Variants in JAM2 observed in about 807,000 individuals in gnomAD.
JAM2 encodes junctional adhesion molecule B.
In JAM2, 17 loss-of-function variants were observed where a neutral mutation model predicts 42.0. That is an observed-to-expected ratio of 0.40 (90% confidence interval 0.28 to 0.61). The LOEUF is 0.61. Among genes scored for constraint, JAM2 ranks in the 20% least tolerant of loss-of-function variants. JAM2 has a pLI of 0.37. For missense variants in JAM2, 319 were observed against 358.3 expected, an observed-to-expected ratio of 0.89 and a Z score of 0.89; for synonymous variants, 118 against 128.6, an observed-to-expected ratio of 0.92 and a Z score of 0.56.
chr21:25,675,679 G>A (rs889107753), intron 1 of JAM2, among the ~76,000 whole-genome samples: 1 of 152,050 alleles, frequency 6.6e-6, no homozygotes, highest in Non-Finnish European at 1.5e-5. Flanking sequence ...TAAACAACCA[G>A]ATCTCAGGAG....
At chr21:25,681,034 G>A (rs1269892569) in intron 1 of JAM2, among the ~76,000 whole-genome samples, 2 of 152,112 alleles carry the variant, frequency 1.3e-5, no homozygotes, top group Non-Finnish European at 2.9e-5. Context: ...GTGAAAACAG[G>A]GTCAGTAGAC....
chr21:25,656,764 T>C (rs1459752665), intron 1 of JAM2, among the ~76,000 whole-genome samples: 2 of 152,194 alleles, frequency 1.3e-5, no homozygotes, highest in Non-Finnish European at 2.9e-5. Flanking sequence ...GGAAGCAAGA[T>C]TGCATCACAG....
intron 5 of JAM2, among the ~76,000 whole-genome samples, chr21:25,699,612 A>G (rs2034119219): frequency 6.7e-6 from 1 of 150,266 alleles, no homozygotes; most frequent in Admixed American, 6.7e-5. Context: ...AGTCCCAGCT[A>G]CTCGGGAGGC....
intron 1 of JAM2, among the ~76,000 whole-genome samples, chr21:25,657,043 C>T (rs1406661375): frequency 6.6e-6 from 1 of 152,092 alleles, no homozygotes; most frequent in Non-Finnish European, 1.5e-5. Flanking sequence ...AGTTATCCCA[C>T]TTATATGAAT....
intron 2 of JAM2, among the ~76,000 whole-genome samples, chr21:25,689,154 C>T (rs2033820692): frequency 6.6e-6 from 1 of 152,014 alleles, no homozygotes; most frequent in Non-Finnish European, 1.5e-5. Flanking sequence ...GAGGCAGTTA[C>T]ACTTGATGCT....
At position 25,696,588 on chromosome 21, in the gene JAM2, A is replaced by C. The variant is rs377138348; in HGVS notation, c.395-2089A>C. Among the ~76,000 whole-genome samples the C allele has an allele frequency of 2.0e-5, 3 of 152,236 alleles. No homozygotes were observed. The East Asian group carries it at 5.8e-4, about 29-fold the overall frequency. On this transcript the variant is annotated intron_variant, in intron 4 of 9. Transcript: ENST00000480456. The stretch of plus-strand genomic sequence containing the variant: ...CAACTAAATAGTTCTGTAGAGCGGA[A>C]GTCCAACAAGAAGACTGGGTATCTG...
At chr21:25,646,089 A>G (rs1008158589) in intron 1 of JAM2, among the ~76,000 whole-genome samples, 5 of 152,188 alleles carry the variant, frequency 3.3e-5, no homozygotes, top group African/African-American at 1.2e-4. Context: ...AATTTATAAA[A>G]CAATAAAGTT....
intron 7 of JAM2, among the ~76,000 whole-genome samples, chr21:25,708,549 CAG>C (rs1314185155): frequency 6.6e-6 from 1 of 152,220 alleles, no homozygotes; most frequent in East Asian, 1.9e-4. Context: ...AGCTGGATAA[CAG>C]AGCAAGACAC....
chr21:25,660,778 A>ATT (rs2033061796), intron 1 of JAM2, among the ~76,000 whole-genome samples: 40 of 60,240 alleles, frequency 6.6e-4, no homozygotes, highest in African/African-American at 3.6e-3. Flanking sequence ...ATATATATAT[A>ATT]TATATTTTTT....
In JAM2 at chr21:25,683,923, A is replaced by G; in HGVS notation, c.108A>G (p.Gln36=). Residue 36 remains glutamine, a synonymous_variant, in exon 2 of 10, where the codon CAA becomes CAG. Coordinates refer to ENST00000480456, the MANE Select transcript of JAM2 (RefSeq NM_021219.4). ...AYGFSAPKDQ[Q]VVTAVEYQEA... ...GGTTTTCTGCCCCAAAAGACCAACA[A>G]GTAGTCACAGCAGTAGAGTACCAAG... The G allele has an allele frequency of 6.2e-7, 1 of 1,609,300 alleles. No individual in the cohort carries two copies. Among genetic ancestry groups the G allele is most frequent in the African/African-American group, 1.3e-5 (1 of 74,926 alleles).
chr21:25,675,554 AGGAAGGAAGGAAGGAG>A (rs1386710959), intron 1 of JAM2, among the ~76,000 whole-genome samples: 2 of 138,454 alleles, frequency 1.4e-5, no homozygotes, highest in African/African-American at 2.6e-5. Context: ...AAGGAGGGGA[AGGAAGGAAGGAAGGAG>A]GGAAGGAAGG....
At chr21:25,642,249 G>A (rs993668261) in intron 1 of JAM2, among the ~76,000 whole-genome samples, 7 of 151,956 alleles carry the variant, frequency 4.6e-5, no homozygotes, top group Admixed American at 3.3e-4. Flanking sequence ...CCTTGAAGGC[G>A]GAGTATCTTC....
intron 1 of JAM2, among the ~76,000 whole-genome samples, chr21:25,664,230 A>C (rs1370008158): frequency 6.6e-6 from 1 of 151,102 alleles, no homozygotes; most frequent in Non-Finnish European, 1.5e-5. Context: ...TTTATTTTTT[A>C]TTTTACTTAT....
intron 1 of JAM2, among the ~76,000 whole-genome samples, chr21:25,659,411 GT>G (rs1024515977): frequency 6.6e-6 from 1 of 152,102 alleles, no homozygotes; most frequent in African/African-American, 2.4e-5. Context: ...ACAAGGCTGT[GT>G]TTTTCCTTCC....
chr21:25,680,600 G>T (rs995694618), intron 1 of JAM2, among the ~76,000 whole-genome samples: 3 of 152,194 alleles, frequency 2.0e-5, no homozygotes, highest in Admixed American at 6.5e-5. Context: ...TGTGGGAAAT[G>T]GAAATACAGA....
intron 2 of JAM2, among the ~76,000 whole-genome samples, chr21:25,684,227 G>A (rs944258249): frequency 2.0e-5 from 3 of 152,204 alleles, no homozygotes; most frequent in African/African-American, 7.2e-5. Context: ...ACTGGGAGAT[G>A]GAGAGCTTGG....
chr21:25,675,669 T>TA (rs919362337), intron 1 of JAM2, among the ~76,000 whole-genome samples: 3 of 151,884 alleles, frequency 2.0e-5, no homozygotes, highest in African/African-American at 7.3e-5. Flanking sequence ...TACACACTTT[T>TA]AAACAACCAG....
At chr21:25,701,685 G>A (rs1389607294) in intron 5 of JAM2, among the ~76,000 whole-genome samples, 5 of 152,136 alleles carry the variant, frequency 3.3e-5, no homozygotes, top group South Asian at 2.1e-4. Context: ...GATTTTCCTA[G>A]GCCCTAAGCT....
At chr21:25,652,997 A>C (rs2032824125) in intron 1 of JAM2, among the ~76,000 whole-genome samples, 1 of 152,198 alleles carries the variant, frequency 6.6e-6, no homozygotes, top group Admixed American at 6.5e-5. Flanking sequence ...AAGCTGAAGC[A>C]ATTGACCCTG....
Sources: allele counts gnomAD v4.1 joint callset (sites outside exome capture counted in the v4.1 genomes callset), GRCh38; gene constraint gnomAD v4.1.1; transcripts MANE v1.5; gene names NCBI Gene and HGNC (gene_info 2026-07-23, HGNC 2026-07-21).